The following PTPN13 variants were observed in gnomAD, a reference collection of about 807,000 sequenced individuals.
PTPN13 encodes the protein protein tyrosine phosphatase non-receptor type 13.
PTPN13 carries 191 observed loss-of-function variants against 284.0 expected under a neutral mutation model. The observed-to-expected ratio is 0.67, with a 90% CI of 0.60 to 0.76. The LOEUF (loss-of-function observed/expected upper bound fraction) is 0.76, where lower values mean the gene tolerates loss of function less well. PTPN13 is among the 30% of genes least tolerant of loss of function. The pLI is 0.00. For synonymous variants in PTPN13, 986 were observed against 1,022.3 expected, an observed-to-expected ratio of 0.96 and a Z score of 0.68; for missense variants, 2,797 against 2,939.9, an observed-to-expected ratio of 0.95 and a Z score of 1.12.
At chr4:86,742,278 C>G (rs1736249570) in intron 16 of PTPN13, among the ~76,000 whole-genome samples, 1 of 152,140 alleles carries the variant, frequency 6.6e-6, no homozygotes, top group African/African-American at 2.4e-5. Flanking sequence ...AGTCCCAGGA[C>G]TTTCCGCAAT....
chr4:86,744,190 C>G (rs187151537), intron 16 of PTPN13, among the ~76,000 whole-genome samples: 1 of 152,264 alleles, frequency 6.6e-6, no homozygotes, highest in Non-Finnish European at 1.5e-5. Flanking sequence ...ACCTTTCCAT[C>G]TCACATTTTC....
chr4:86,787,330 C>T (rs898413827), intron 40 of PTPN13, among the ~76,000 whole-genome samples: 16 of 151,936 alleles, frequency 1.1e-4, no homozygotes, highest in Non-Finnish European at 1.6e-4. Context: ...TGGTGGCTCA[C>T]GCCTGTAATC....
At position 86,814,489 on chromosome 4, in the gene PTPN13, T is replaced by C; in HGVS notation, c.7396T>C (p.Tyr2466His). The part of the protein sequence containing the change: ...QYIFCYQVIL[Y>H]VLTRLQAEEE... ...TATTTTCTGCTATCAAGTCATCCTT[T>C]ATGTCCTGACACGTCTTCAAGCAGA... Residue 2466 changes from tyrosine (Y) to histidine (H), a missense_variant, in exon 48 of 48, where the codon TAT (tyrosine) becomes CAT (histidine). Coordinates refer to ENST00000411767, the MANE Select transcript of PTPN13 (RefSeq NM_080683.3). 1 of 1,613,088 alleles carries C rather than the reference T, an allele frequency of 6.2e-7. No homozygotes were observed. The highest frequency in any genetic ancestry group is 8.5e-7 in the Non-Finnish European group (1 of 1,179,434).
chr4:86,761,616 A>G lies in PTPN13; in HGVS notation c.3554-1111A>G, dbSNP rs115398698. Among the ~76,000 whole-genome samples the G allele has an allele frequency of 6.7e-3, 1,024 of 152,350 alleles. 9 individuals carry two copies. The highest frequency in any genetic ancestry group is 0.022 in the African/African-American group (923 of 41,596). On this transcript the variant is annotated intron_variant, in intron 23 of 47. Coordinates refer to ENST00000411767, the MANE Select transcript of PTPN13 (RefSeq NM_080683.3). ...TCAGTCATTCTCATTTTTGTCAGCC[A>G]AATAAGTAGAGAACTGCATTAAACT...
At chr4:86,725,576 G>A (rs1734157335) in intron 10 of PTPN13, among the ~76,000 whole-genome samples, 1 of 149,614 alleles carries the variant, frequency 6.7e-6, no homozygotes, top group Admixed American at 6.7e-5. Context: ...CAGTGATGAT[G>A]AGCATTTTTT....
At chr4:86,670,492 C>G (rs1317185029) in intron 2 of PTPN13, among the ~76,000 whole-genome samples, 1 of 151,856 alleles carries the variant, frequency 6.6e-6, no homozygotes, top group Admixed American at 6.6e-5. Context: ...TTTTCTGTCA[C>G]TCCACATCCA....
At chr4:86,701,218 A>G (rs1331188296) in intron 6 of PTPN13, 23 bp from the exon 7 acceptor site, 3 of 1,496,760 alleles carry the variant, frequency 2.0e-6, no homozygotes, top group Non-Finnish European at 2.7e-6. Context: ...GTGTGCATAC[A>G]TGATAGATTC....
chr4:86,600,762 T>TA (rs1764236601), intron 1 of PTPN13, among the ~76,000 whole-genome samples: 1 of 152,070 alleles, frequency 6.6e-6, no homozygotes, highest in African/African-American at 2.4e-5. Flanking sequence ...TTGCTTCTTC[T>TA]AAAAAAGTGT....
intron 40 of PTPN13, among the ~76,000 whole-genome samples, chr4:86,786,558 A>G (rs1741941467): frequency 1.3e-5 from 2 of 152,206 alleles, no homozygotes; most frequent in Non-Finnish European, 2.9e-5. Context: ...CTACAAGAAT[A>G]ATCATACAAA....
At chr4:86,686,842 T>C (rs1729512706) in intron 4 of PTPN13, 67 bp downstream of exon 4, 2 of 1,100,466 alleles carry the variant, frequency 1.8e-6, no homozygotes, top group South Asian at 1.4e-5. Context: ...ATATCATAGC[T>C]CTTCCACACG....
At chr4:86,681,654 G>A (rs1486986900) in intron 3 of PTPN13, among the ~76,000 whole-genome samples, 5 of 152,154 alleles carry the variant, frequency 3.3e-5, no homozygotes, top group African/African-American at 9.7e-5. Flanking sequence ...TAGGCCGGGC[G>A]TGGTGGCTCA....
Position 86,734,456 on chromosome 4 carries a change from A to C in PTPN13, c.2012A>C (p.Gln671Pro), listed in dbSNP as rs1169328136. The C allele has an allele frequency of 1.9e-6, 3 of 1,545,860 alleles. No homozygotes were observed. The African/African-American group carries it at 4.1e-5, about 21-fold the overall frequency. Residue 671 changes from glutamine (Q) to proline (P), a missense_variant and splice_region_variant, in exon 13 of 48, where the codon CAA becomes CCA. Gln to Pro is a moderately conservative substitution (Grantham distance 76). Coordinates refer to ENST00000411767, the MANE Select transcript of PTPN13 (RefSeq NM_080683.3). ...TTTATGGATGATGTTAGTCTAATAC[A>C]GTGAGTACACAAGAGTTTCTCTTTT... ...KFFMDDVSLI[Q>P]HTLTCHQYYL... is the part of the protein sequence containing the mutation.
chr4:86,791,464 A>G (rs932920797), intron 40 of PTPN13, among the ~76,000 whole-genome samples: 1 of 152,204 alleles, frequency 6.6e-6, no homozygotes, highest in Non-Finnish European at 1.5e-5. Flanking sequence ...CTCCAGACTT[A>G]AATGTCCCTG....
intron 23 of PTPN13, among the ~76,000 whole-genome samples, chr4:86,760,765 A>C (rs1738575580): frequency 6.6e-6 from 1 of 152,128 alleles, no homozygotes; most frequent in Admixed American, 6.6e-5. Flanking sequence ...AATTAAAAGC[A>C]TAATGTTAAA....
At chr4:86,692,512 C>T (rs558478276) in intron 5 of PTPN13, among the ~76,000 whole-genome samples, 1 of 152,186 alleles carries the variant, frequency 6.6e-6, no homozygotes, top group East Asian at 1.9e-4. Flanking sequence ...TGTATGCATG[C>T]TTTTGGTGCT....
chr4:86,802,468 A>G (rs1744141801), intron 42 of PTPN13, among the ~76,000 whole-genome samples: 1 of 152,150 alleles, frequency 6.6e-6, no homozygotes, highest in African/African-American at 2.4e-5. Context: ...ACAGTGCCAT[A>G]TGAGTCAAGA....
intron 7 of PTPN13, among the ~76,000 whole-genome samples, chr4:86,711,380 C>G (rs907908804): frequency 6.6e-6 from 1 of 151,940 alleles, no homozygotes; most frequent in Non-Finnish European, 1.5e-5. Context: ...GACTATTCTA[C>G]AAAATGGTTT....
At chr4:86,758,167 C>A in intron 20 of PTPN13, 93 bp from the exon 21 acceptor site, 1 of 779,796 alleles carries the variant, frequency 1.3e-6, no homozygotes, top group Non-Finnish European at 2.0e-6. Context: ...GAGCAATTAA[C>A]ACACTTTGTT....
At chr4:86,812,511 G>A (rs57427274) in intron 47 of PTPN13, among the ~76,000 whole-genome samples, 8 of 152,134 alleles carry the variant, frequency 5.3e-5, no homozygotes, top group Admixed American at 5.2e-4. Context: ...AAATGAAATA[G>A]GTAAAGGGAA....
Sources: gnomAD v4.1 joint callset for allele counts (sites outside exome capture counted in the v4.1 genomes callset) on GRCh38, gnomAD v4.1.1 for gene constraint, MANE v1.5 for transcripts, NCBI Gene and HGNC (gene_info 2026-07-23, HGNC 2026-07-21) for gene names.